Variants in CERS6 observed in about 807,000 individuals in gnomAD.
The protein encoded by CERS6 is ceramide synthase 6, also known as LAG1 homolog, ceramide synthase 6.
CERS6 carries 26 observed loss-of-function variants against 56.8 expected under a neutral mutation model. The ratio of observed to expected loss-of-function variants is 0.46; its 90% CI spans 0.34 to 0.63. The LOEUF (loss-of-function observed/expected upper bound fraction) is 0.63. Among genes scored for constraint, CERS6 ranks in the 30% least tolerant of loss-of-function variants. The pLI is 0.01. For missense variants in CERS6, 415 were observed against 467.5 expected, an observed-to-expected ratio of 0.89 and a Z score of 1.04; for synonymous variants, 164 against 173.3, an observed-to-expected ratio of 0.95 and a Z score of 0.42.
At chr2:168,645,089 TTAAAAAAAAA>T (rs1188665798) in intron 4 of CERS6, among the ~76,000 whole-genome samples, 216 of 10,252 alleles carry the variant, frequency 0.021, 22 homozygotes, top group African/African-American at 0.043. Flanking sequence ...AGACTGCATC[TTAAAAAAAAA>T]AAAAAAAAAA....
At chr2:168,615,873 C>A (rs909851527) in intron 3 of CERS6, among the ~76,000 whole-genome samples, 11 of 152,136 alleles carry the variant, frequency 7.2e-5, no homozygotes, top group Admixed American at 5.2e-4. Context: ...CAAAGAACAT[C>A]TGGGAAATTC....
chr2:168,758,459 C>T (rs1306810045), intron 8 of CERS6, among the ~76,000 whole-genome samples: 1 of 152,026 alleles, frequency 6.6e-6, no homozygotes, highest in African/African-American at 2.4e-5. Context: ...CAAAAACATA[C>T]AACCCAAGGC....
intron 7 of CERS6, among the ~76,000 whole-genome samples, chr2:168,715,774 A>C (rs1207541409): frequency 6.6e-6 from 1 of 152,156 alleles, no homozygotes; most frequent in Non-Finnish European, 1.5e-5. Flanking sequence ...TTTACTTTTA[A>C]CTGTGGCTCC....
intron 4 of CERS6, among the ~76,000 whole-genome samples, chr2:168,640,274 A>G (rs1050017778): frequency 2.0e-5 from 3 of 152,194 alleles, no homozygotes; most frequent in Admixed American, 1.3e-4. Flanking sequence ...ACGTCTGTTA[A>G]TCCTATAGCT....
At chr2:168,674,836 T>C (rs1411084395) in intron 4 of CERS6, among the ~76,000 whole-genome samples, 2 of 152,200 alleles carry the variant, frequency 1.3e-5, no homozygotes, top group Non-Finnish European at 2.9e-5. Context: ...TCAGGAACCC[T>C]TTACTCTTGT....
At chr2:168,502,926 T>G (rs1249911316) in intron 1 of CERS6, among the ~76,000 whole-genome samples, 3 of 152,172 alleles carry the variant, frequency 2.0e-5, no homozygotes. Context: ...TAAAAGTCCA[T>G]GCAGGGTGAG....
chr2:168,686,763 G>T (rs755706262), intron 4 of CERS6, among the ~76,000 whole-genome samples: 36 of 152,132 alleles, frequency 2.4e-4, no homozygotes, highest in Non-Finnish European at 4.9e-4. Flanking sequence ...CTACTTATCA[G>T]CTGTGTAGCC....
At chr2:168,511,070 C>A (rs1367775755) in intron 1 of CERS6, among the ~76,000 whole-genome samples, 1 of 152,118 alleles carries the variant, frequency 6.6e-6, no homozygotes, top group Non-Finnish European at 1.5e-5. Flanking sequence ...TTTCTCAAAT[C>A]TCCTTTATTC....
At chr2:168,725,436 G>A (rs1476401149) in intron 8 of CERS6, among the ~76,000 whole-genome samples, 1 of 152,258 alleles carries the variant, frequency 6.6e-6, no homozygotes, top group East Asian at 1.9e-4. Flanking sequence ...AGGGCTGTGA[G>A]GACTGCCAGC....
At position 168,615,988 on chromosome 2, in the gene CERS6, T is replaced by C. The variant is rs540992471; in HGVS notation, c.408-14997T>C. Among the ~76,000 whole-genome samples the C allele has an allele frequency of 2.0e-5, 3 of 152,244 alleles. No homozygotes were observed. In the East Asian group the frequency reaches 5.8e-4, roughly 29 times the overall value. ...TGAGGCAAAAGCACCAGGTAACCTATAAAGGAAAACCTATCAGATTTACGG... is the reference window on the plus strand; with the variant it reads ...TGAGGCAAAAGCACCAGGTAACCTACAAAGGAAAACCTATCAGATTTACGG... On this transcript the variant is annotated intron_variant, in intron 3 of 9. Transcript: ENST00000305747.
In CERS6 at chr2:168,661,626, TAGAG is replaced by T. The variant is rs552560157; in HGVS notation, c.466-29406_466-29403del. 3.3e-3 allele frequency among the ~76,000 whole-genome samples: 501 copies of T among 152,348 alleles called. 5 individuals carry two copies. Among genetic ancestry groups the T allele is most frequent in the African/African-American group, 0.011 (477 of 41,578 alleles). On this transcript the variant is annotated intron_variant, in intron 4 of 9. Transcript: ENST00000305747. ...TAATGCCTGACATTTTCGCTCAAGA[TAGAG>T]AAGTAGATTTTTGTCTTTCTCTCAT... is the stretch of plus-strand genomic sequence containing the variant.
intron 4 of CERS6, among the ~76,000 whole-genome samples, chr2:168,671,192 C>G (rs1685909134): frequency 6.6e-6 from 1 of 151,966 alleles, no homozygotes; most frequent in South Asian, 2.1e-4. Context: ...GTCTCCATCT[C>G]CTGACCTCAT....
intron 4 of CERS6, among the ~76,000 whole-genome samples, chr2:168,645,136 TATATATAGAGAGAGAGAGAGAG>T (rs1314265464): frequency 5.6e-5 from 2 of 35,492 alleles, no homozygotes; most frequent in Admixed American, 3.8e-4. Context: ...TATATATATA[TATATATAGAGAGAGAGAGAGAG>T]AGAGAGAGAG....
At chr2:168,465,285 T>G (rs1417081284) in intron 1 of CERS6, among the ~76,000 whole-genome samples, 1 of 152,218 alleles carries the variant, frequency 6.6e-6, no homozygotes, top group Non-Finnish European at 1.5e-5. Context: ...GATCAAGGTG[T>G]GAACAGATTT....
At chr2:168,514,504 A>G (rs1993224) in intron 1 of CERS6, among the ~76,000 whole-genome samples, 41,140 of 152,182 alleles carry the variant, frequency 0.27, 5,617 homozygotes, top group Non-Finnish European at 0.3. Flanking sequence ...CACACACTAC[A>G]TAAGGTTTCC....
At chr2:168,506,248 T>G (rs1303845447) in intron 1 of CERS6, among the ~76,000 whole-genome samples, 1 of 152,196 alleles carries the variant, frequency 6.6e-6, no homozygotes, top group African/African-American at 2.4e-5. Context: ...TCTGACAGTT[T>G]TTTTTCAAAT....
At chr2:168,575,782 G>A (rs1683249170) in intron 3 of CERS6, among the ~76,000 whole-genome samples, 1 of 152,090 alleles carries the variant, frequency 6.6e-6, no homozygotes, top group Admixed American at 6.6e-5. Flanking sequence ...TGTGCTGTCA[G>A]GTGGGGCTGC....
At chr2:168,623,932 A>G (rs1307211613) in intron 3 of CERS6, among the ~76,000 whole-genome samples, 1 of 152,158 alleles carries the variant, frequency 6.6e-6, no homozygotes, top group Non-Finnish European at 1.5e-5. Flanking sequence ...TTACAATTCC[A>G]TGGGTCTTCT....
chr2:168,512,402 C>G (rs1209806162), intron 1 of CERS6, among the ~76,000 whole-genome samples: 2 of 152,022 alleles, frequency 1.3e-5, no homozygotes, highest in African/African-American at 4.8e-5. Flanking sequence ...ACATATCTCC[C>G]TAAATTCTTT....
Sources: allele counts gnomAD v4.1 joint callset (sites outside exome capture counted in the v4.1 genomes callset), GRCh38; gene constraint gnomAD v4.1.1; transcripts MANE v1.5; gene names NCBI Gene and HGNC (gene_info 2026-07-23, HGNC 2026-07-21).